HBS1L: variants seen among roughly 807,000 people sequenced by gnomAD.
HBS1L encodes the protein HBS1 like translational GTPase.
Under a neutral mutation model 88.9 loss-of-function variants are expected in HBS1L, and 55 were observed. The observed-to-expected ratio is 0.62, with a 90% CI of 0.50 to 0.77. The LOEUF (loss-of-function observed/expected upper bound fraction) is 0.77. HBS1L is among the 30% of genes least tolerant of loss of function. The pLI is 0.00. For missense variants in HBS1L, 741 were observed against 829.3 expected, an observed-to-expected ratio of 0.89 and a Z score of 1.31; for synonymous variants, 267 against 288.5, an observed-to-expected ratio of 0.93 and a Z score of 0.76.
At chr6:135,010,666 T>A (rs1775749215) in intron 4 of HBS1L, among the ~76,000 whole-genome samples, 1 of 152,174 alleles carries the variant, frequency 6.6e-6, no homozygotes, top group South Asian at 2.1e-4. Flanking sequence ...CAGGTAAGTT[T>A]CAAGAGTACA....
rs58274929 is a variant in HBS1L at position 134,961,090 on chromosome 6, C to CTTTTTTTTTTTTTTTTTTTTTTTTT, written c.*4188_*4189insAAAAAAAAAAAAAAAAAAAAAAAAA. ...TTGCTGTACAGACTTAGTTTCTTTG[C>CTTTTTTTTTTTTTTTTTTTTTTTTT]TTTTTTTTTTTTTTTTTTTGCATTG... On this transcript the variant is annotated 3_prime_UTR_variant, in exon 18 of 18. Transcript: ENST00000367837. 2 of 106,222 alleles carry CTTTTTTTTTTTTTTTTTTTTTTTTT rather than the reference C, an allele frequency of 1.9e-5. 1 individual carries two copies. 6.6% of individuals were successfully genotyped at this position (106,222 alleles called of 1,614,324 possible).
intron 4 of HBS1L, chr6:135,036,068 T>C: frequency 1.5e-6 from 1 of 655,192 alleles, no homozygotes; most frequent in Non-Finnish European, 1.9e-6. Flanking sequence ...AATAGAAAAA[T>C]TTTAGTATTT....
At chr6:134,966,277 G>A in intron 17 of HBS1L, 52 bp downstream of exon 17, 1 of 1,474,126 alleles carries the variant, frequency 6.8e-7, no homozygotes, top group Non-Finnish European at 9.2e-7. Flanking sequence ...AGGTAAAAAA[G>A]AAAAGGCATC....
intron 4 of HBS1L, among the ~76,000 whole-genome samples, chr6:135,009,367 C>T (rs537258208): frequency 2.0e-5 from 3 of 151,984 alleles, no homozygotes; most frequent in Admixed American, 6.5e-5. Context: ...AAAATATGTA[C>T]CTGAGTAATT....
intron 1 of HBS1L, among the ~76,000 whole-genome samples, chr6:135,051,488 T>C (rs1323697638): frequency 6.6e-6 from 1 of 152,178 alleles, no homozygotes. Context: ...TCCTGGGATA[T>C]GCTCTTTGCC....
intron 4 of HBS1L, among the ~76,000 whole-genome samples, chr6:135,006,453 A>AT: frequency 6.6e-6 from 1 of 152,298 alleles, no homozygotes; most frequent in East Asian, 1.9e-4. Context: ...AAAGTCTCCC[A>AT]TGAGTAAGGA....
At chr6:135,004,461 C>A (rs1775553357) in intron 4 of HBS1L, among the ~76,000 whole-genome samples, 1 of 151,902 alleles carries the variant, frequency 6.6e-6, no homozygotes, top group African/African-American at 2.4e-5. Flanking sequence ...GAAAGAGAAG[C>A]TTGTATAATG....
At position 134,966,396 on chromosome 6, in the gene HBS1L, A is replaced by C; in HGVS notation, c.1976T>G (p.Phe659Cys). 6.2e-7 allele frequency: 1 copy of C among 1,612,940 alleles called. No homozygotes were observed. Among genetic ancestry groups the C allele is most frequent in the Middle Eastern group, 1.7e-4 (1 of 6,060 alleles). Residue 659 changes from phenylalanine (F) to cysteine (C), a missense_variant, in exon 17 of 18, where the codon TTT (phenylalanine) becomes TGT (cysteine). Around this residue, in one of 3 missense-constraint regions of HBS1L, gnomAD observed 181 missense variants for 212.7 expected, o/e 0.85. Coordinates refer to ENST00000367837, the MANE Select transcript of HBS1L (RefSeq NM_006620.4). The stretch of plus-strand genomic sequence containing the variant: ...TAGCATGAACCTCCCCAGCTCTTTA[A>C]AGTCTTTATATAGCTCAAGAGCTAT... ...RPIALELYKD[F>C]KELGRFMLRY...
At position 135,043,977 on chromosome 6, in the gene HBS1L, T is replaced by C. The variant is rs182454815; in HGVS notation, c.110-1851A>G. ...TCCGATAACACCAACCACAGAGAAA[T>C]ATTATGCTGCAAGATAATTGTATTG... On this transcript the variant is annotated intron_variant, in intron 2 of 17. Coordinates refer to ENST00000367837, the MANE Select transcript of HBS1L (RefSeq NM_006620.4). Among the ~76,000 whole-genome samples, 3 of 152,258 alleles carry C rather than the reference T, an allele frequency of 2.0e-5. 1 individual carries two copies. The highest frequency in any genetic ancestry group is 6.8e-3 in the Middle Eastern group (2 of 294).
intron 3 of HBS1L, among the ~76,000 whole-genome samples, chr6:135,041,729 G>C (rs1776742515): frequency 6.6e-6 from 1 of 152,028 alleles, no homozygotes; most frequent in Non-Finnish European, 1.5e-5. Flanking sequence ...CGAATCACTA[G>C]AGTTTCTCTC....
intron 7 of HBS1L, 123 bp from the exon 8 acceptor site, chr6:134,993,998 T>G: frequency 2.4e-6 from 1 of 425,170 alleles, no homozygotes; most frequent in Non-Finnish European, 4.2e-6. Flanking sequence ...TATAGACTAT[T>G]ATTTTTGAAT....
intron 3 of HBS1L, among the ~76,000 whole-genome samples, chr6:135,040,395 G>A (rs1776697475): frequency 7.5e-6 from 1 of 132,944 alleles, no homozygotes. Context: ...CTGTTGCCCA[G>A]GCTGGAATGC....
intron 16 of HBS1L, among the ~76,000 whole-genome samples, chr6:134,967,078 T>C (rs74676222): frequency 4.5e-4 from 68 of 152,274 alleles, no homozygotes; most frequent in African/African-American, 1.5e-3. Context: ...TTTTCCACAA[T>C]ATGATACTTG....
At chr6:135,015,774 G>T (rs1261045054) in intron 4 of HBS1L, among the ~76,000 whole-genome samples, 1 of 151,802 alleles carries the variant, frequency 6.6e-6, no homozygotes, top group Non-Finnish European at 1.5e-5. Flanking sequence ...GTAGACATGG[G>T]GTTTCGCTGT....
chr6:135,002,938 T>C, intron 4 of HBS1L, 96 bp from the exon 5 acceptor site: 1 of 724,542 alleles, frequency 1.4e-6, no homozygotes, highest in Non-Finnish European at 2.3e-6. Context: ...TATGATAACT[T>C]TCACAGAATT....
intron 5 of HBS1L, among the ~76,000 whole-genome samples, chr6:135,001,486 T>C (rs917587193): frequency 9.9e-5 from 15 of 152,056 alleles, no homozygotes; most frequent in African/African-American, 3.6e-4. Context: ...TTCCCCCCTC[T>C]CTCTCTCTCT....
intron 7 of HBS1L, among the ~76,000 whole-genome samples, chr6:134,994,355 T>A (rs1004440754): frequency 6.6e-5 from 10 of 152,128 alleles, no homozygotes; most frequent in Admixed American, 3.3e-4. Context: ...AAACATAAGA[T>A]ATCAAAGCAG....
intron 10 of HBS1L, 108 bp downstream of exon 10, chr6:134,986,626 CAA>C: frequency 2.1e-6 from 1 of 477,358 alleles, no homozygotes; most frequent in Non-Finnish European, 3.6e-6. Context: ...GAAAATAAAG[CAA>C]AGAGAATTAA....
chr6:135,017,581 T>A (rs1251876372), intron 4 of HBS1L, among the ~76,000 whole-genome samples: 1 of 151,960 alleles, frequency 6.6e-6, no homozygotes, highest in Non-Finnish European at 1.5e-5. Flanking sequence ...GTATTCTGAA[T>A]CAAATTGAAA....
Sources: gnomAD v4.1 joint callset for allele counts (sites outside exome capture counted in the v4.1 genomes callset) on GRCh38, gnomAD v4.1.1 for gene constraint, gnomAD v4.1.1 regional missense constraint, MANE v1.5 for transcripts, NCBI Gene and HGNC (gene_info 2026-07-23, HGNC 2026-07-21) for gene names.